GABRB2: variants seen among roughly 807,000 people sequenced by gnomAD.
GABRB2 encodes the protein gamma-aminobutyric acid type A receptor subunit beta2, also known as gamma-aminobutyric acid receptor subunit beta-2.
In GABRB2, 16 loss-of-function variants were observed where a neutral mutation model predicts 54.7. That is an observed-to-expected ratio of 0.29 (90% CI 0.20 to 0.44). GABRB2 has a LOEUF of 0.44. Among genes scored for constraint, GABRB2 ranks in the 20% least tolerant of loss-of-function variants. The probability of loss-of-function intolerance (pLI) is 1.00; values close to 1 mark genes in which losing one functional copy is unlikely to be tolerated. For missense variants in GABRB2, 355 were observed against 644.0 expected (o/e 0.55, Z 4.86); for synonymous variants, 244 against 233.8 (o/e 1.04, Z -0.40).
chr5:161,510,328 C>G (rs369777584), intron 3 of GABRB2, among the ~76,000 whole-genome samples: 1 of 151,408 alleles, frequency 6.6e-6, no homozygotes, highest in Non-Finnish European at 1.5e-5. Flanking sequence ...TTTTTTAGAC[C>G]GCACTAATAA....
chr5:161,301,845 C>G (rs1757549519), intron 9 of GABRB2, among the ~76,000 whole-genome samples: 1 of 152,190 alleles, frequency 6.6e-6, no homozygotes, highest in South Asian at 2.1e-4. Flanking sequence ...CTCCTGCTTC[C>G]CAGTCCAGCT....
chr5:161,403,747 T>C (rs1363132941), intron 5 of GABRB2, among the ~76,000 whole-genome samples: 2 of 152,064 alleles, frequency 1.3e-5, no homozygotes, highest in African/African-American at 4.8e-5. Context: ...ACTGAAAACG[T>C]GACTGCCAAA....
At chr5:161,446,577 C>T (rs1412394237) in intron 4 of GABRB2, among the ~76,000 whole-genome samples, 1 of 152,102 alleles carries the variant, frequency 6.6e-6, no homozygotes, top group African/African-American at 2.4e-5. Flanking sequence ...AGACTTGGAA[C>T]CTATCCCCAT....
At chr5:161,311,921 C>T (rs930114593) in intron 9 of GABRB2, among the ~76,000 whole-genome samples, 1 of 152,110 alleles carries the variant, frequency 6.6e-6, no homozygotes, top group Non-Finnish European at 1.5e-5. Flanking sequence ...ACAGGTGTTA[C>T]AGGGAAGAAT....
intron 5 of GABRB2, among the ~76,000 whole-genome samples, chr5:161,405,896 C>T (rs1756336355): frequency 6.6e-6 from 1 of 151,958 alleles, no homozygotes; most frequent in Non-Finnish European, 1.5e-5. Context: ...AAAATACAGC[C>T]TTTATTCCAT....
intron 5 of GABRB2, among the ~76,000 whole-genome samples, chr5:161,373,038 A>G (rs1755176256): frequency 6.6e-6 from 1 of 152,224 alleles, no homozygotes; most frequent in Non-Finnish European, 1.5e-5. Context: ...AAGTATTCCA[A>G]AGCAACACAC....
At chr5:161,344,221 A>G (rs1280916086) in intron 5 of GABRB2, among the ~76,000 whole-genome samples, 1 of 152,124 alleles carries the variant, frequency 6.6e-6, no homozygotes, top group Non-Finnish European at 1.5e-5. Flanking sequence ...TACAAGGAAT[A>G]GGAGGAAACA....
chr5:161,295,408 G>C (rs965238329), intron 9 of GABRB2, among the ~76,000 whole-genome samples: 18 of 152,224 alleles, frequency 1.2e-4, no homozygotes, highest in African/African-American at 4.1e-4. Context: ...ATTTTTAAGA[G>C]GCCTCAACTG....
intron 4 of GABRB2, among the ~76,000 whole-genome samples, chr5:161,457,610 A>C (rs1444705364): frequency 1.3e-5 from 2 of 151,852 alleles, no homozygotes; most frequent in Non-Finnish European, 2.9e-5. Context: ...TACGCCCAGC[A>C]AATTTTTTTT....
intron 9 of GABRB2, among the ~76,000 whole-genome samples, chr5:161,308,054 G>T (rs1561601770): frequency 2.7e-5 from 4 of 147,604 alleles, no homozygotes; most frequent in African/African-American, 9.8e-5. Context: ...GTAGAGATGG[G>T]GTTTCACCAT....
chr5:161,463,317 C>CCACACACACA (rs137863733), intron 3 of GABRB2, among the ~76,000 whole-genome samples: 247 of 141,180 alleles, frequency 1.7e-3, no homozygotes, highest in African/African-American at 4.9e-3. Context: ...TACACACACA[C>CCACACACACA]CACACACACA....
At position 161,545,276 on chromosome 5, in the gene GABRB2, C is replaced by T. The variant is rs902043338; in HGVS notation, c.188G>A (p.Gly63Glu). The T allele has an allele frequency of 6.2e-7, 1 of 1,606,476 alleles. No homozygotes were observed. The highest frequency in any genetic ancestry group is 2.3e-5 in the East Asian group (1 of 44,134). ...PDFGGPPVAV[G>E]MNIDIASIDM... Reference sequence around the variant, plus strand: ...GATGCTGGCAATGTCAATGTTCATCCCCACAGCCACGGGGGGACCTGCAAA... The same window carrying T: ...GATGCTGGCAATGTCAATGTTCATCTCCACAGCCACGGGGGGACCTGCAAA... The change falls in exon 3 of 10, where the codon GGG (glycine) becomes GAG (glutamate). Residue 63 changes from glycine to glutamate, a missense_variant. Physicochemically the swap from Gly to Glu is moderately conservative, Grantham distance 98 (BLOSUM62 -2). Coordinates refer to ENST00000393959, the MANE Select transcript of GABRB2 (RefSeq NM_001371727.1).
intron 5 of GABRB2, among the ~76,000 whole-genome samples, chr5:161,343,377 T>C (rs1452241071): frequency 6.6e-6 from 1 of 152,010 alleles, no homozygotes; most frequent in East Asian, 1.9e-4. Context: ...CTATTTTTTT[T>C]TGTGCATGTT....
chr5:161,320,110 G>T (rs945631621), intron 9 of GABRB2, among the ~76,000 whole-genome samples: 9 of 151,310 alleles, frequency 5.9e-5, no homozygotes, highest in Non-Finnish European at 1.0e-4. Context: ...GGGTTATTTT[G>T]ATTTTCTAAT....
At chr5:161,446,219 C>G (rs762776392) in intron 4 of GABRB2, among the ~76,000 whole-genome samples, 3 of 151,986 alleles carry the variant, frequency 2.0e-5, no homozygotes, top group Non-Finnish European at 2.9e-5. Flanking sequence ...ACTACTGTAC[C>G]TTCTATCTTC....
chr5:161,310,486 TTC>T (rs199982232), intron 9 of GABRB2, among the ~76,000 whole-genome samples: 2,315 of 152,092 alleles, frequency 0.015, 23 homozygotes, highest in Middle Eastern at 0.082. Context: ...GCTTGCTTGT[TTC>T]TCTCTCTCTC....
chr5:161,493,919 ACT>A (rs1373876972), intron 3 of GABRB2, among the ~76,000 whole-genome samples: 1 of 151,602 alleles, frequency 6.6e-6, no homozygotes, highest in Non-Finnish European at 1.5e-5. Flanking sequence ...GGTTTATAAA[ACT>A]CTTACTTGAT....
chr5:161,326,376 G>A lies in GABRB2; in HGVS notation c.1183C>T (p.Leu395=), dbSNP rs775012293. Residue 395 remains leucine, a synonymous_variant, in exon 9 of 10, where the codon CTG becomes TTG. Transcript: ENST00000393959. ...AAAACTGGCTATCTAACCGTATACA[G>A]AGAGAAATCGTAATTGGTAGTCCGT... ...TRRTTNYDFS[L]YTMDPHENIL... The A allele has an allele frequency of 1.2e-6, 2 of 1,613,540 alleles. No homozygotes were observed. The highest frequency in any genetic ancestry group is 2.2e-5 in the South Asian group (2 of 91,052).
At chr5:161,470,826 C>T (rs778525810) in intron 3 of GABRB2, among the ~76,000 whole-genome samples, 2 of 151,938 alleles carry the variant, frequency 1.3e-5, no homozygotes, top group Admixed American at 6.6e-5. Flanking sequence ...GGGGAAACTA[C>T]CATACTATGC....
Sources: gnomAD v4.1 joint callset for allele counts (sites outside exome capture counted in the v4.1 genomes callset) on GRCh38, gnomAD v4.1.1 for gene constraint, MANE v1.5 for transcripts, NCBI Gene and HGNC (gene_info 2026-07-23, HGNC 2026-07-21) for gene names.